Variants in SMCO2 observed in about 807,000 individuals in gnomAD.
SMCO2 encodes single-pass membrane and coiled-coil domain-containing protein 2.
In SMCO2, 25 loss-of-function variants were observed where a neutral mutation model predicts 29.5. The ratio of observed to expected loss-of-function variants is 0.85; its 90% confidence interval spans 0.62 to 1.18. The LOEUF (loss-of-function observed/expected upper bound fraction) is 1.18, where lower values mean the gene tolerates loss of function less well. Ranked by LOEUF, SMCO2 falls within the 50% of genes most tolerant of loss-of-function variation. The pLI is 0.00. For missense variants in SMCO2, 348 were observed against 344.5 expected, an observed-to-expected ratio of 1.01 and a Z score of -0.08; for synonymous variants, 117 against 123.3, an observed-to-expected ratio of 0.95 and a Z score of 0.34.
intron 3 of SMCO2, 113 bp from the exon 4 acceptor site, chr12:27,474,673 A>G: frequency 1.6e-6 from 2 of 1,227,430 alleles, no homozygotes. Flanking sequence ...CTCCAGTCTC[A>G]GAGAGGACTA....
At chr12:27,484,360 C>G (rs966061355) in intron 4 of SMCO2, among the ~76,000 whole-genome samples, 1 of 151,812 alleles carries the variant, frequency 6.6e-6, no homozygotes, top group Non-Finnish European at 1.5e-5. Flanking sequence ...GCCTGGGCAA[C>G]AGTGCAAGAC....
chr12:27,462,604 T>TC (rs1168100097), upstream of SMCO2, among the ~76,000 whole-genome samples: 2 of 152,184 alleles, frequency 1.3e-5, no homozygotes, highest in Admixed American at 6.5e-5. Context: ...AGCTATTGTT[T>TC]CCCCATTTTA....
At chr12:27,475,494 A>C in intron 4 of SMCO2, 88 bp from the exon 5 acceptor site, 1 of 1,398,446 alleles carries the variant, frequency 7.2e-7, no homozygotes, top group Non-Finnish European at 9.4e-7. Flanking sequence ...AAACAGATCA[A>C]CTCGCTATTC....
chr12:27,451,502 A>G, the SMCO2 span, among the ~76,000 whole-genome samples: 94,599 of 151,974 alleles, frequency 0.62, 29,944 homozygotes, highest in Middle Eastern at 0.77. Context: ...ACTGTGCTCA[A>G]TATTTACTGT....
the SMCO2 span, chr12:27,423,331 T>C: frequency 8.0e-4 from 106 of 131,734 alleles, no homozygotes; most frequent in African/African-American, 2.6e-3. Context: ...TTTCTTTTTT[T>C]TTTTTTTTTT....
At chr12:27,464,771 C>G (rs1592200637), upstream of SMCO2, among the ~76,000 whole-genome samples, 1 of 146,928 alleles carries the variant, frequency 6.8e-6, no homozygotes, top group South Asian at 2.1e-4. Context: ...CCTGTAATCC[C>G]AGCACTTTGG....
chr12:27,432,655 C>T, the SMCO2 span, among the ~76,000 whole-genome samples: 1 of 152,314 alleles, frequency 6.6e-6, no homozygotes, highest in South Asian at 2.1e-4. Flanking sequence ...CCAAAGTGGG[C>T]TTCAGAACCC....
intron 1 of SMCO2, among the ~76,000 whole-genome samples, chr12:27,468,368 T>C (rs1949514940): frequency 2.0e-5 from 3 of 150,838 alleles, no homozygotes; most frequent in African/African-American, 7.4e-5. Flanking sequence ...AATTCTCTCA[T>C]TGCAGTGCAA....
At position 27,470,749 on chromosome 12, in the gene SMCO2, G is replaced by T; in HGVS notation, c.118G>T (p.Glu40Ter). Residue 40 changes from glutamate (E) to a stop codon, truncating the protein, a stop_gained, in exon 2 of 8, where the codon GAA (glutamate) becomes TAA (stop). Coordinates refer to ENST00000298876, the Ensembl canonical transcript of SMCO2. LOFTEE classifies it high-confidence loss of function. ...CTTTTTCCAAAAGCTCAATGTGACT[G>T]AAGGTGCAATGCAGGAGTAAGTCAG... is the stretch of plus-strand genomic sequence containing the variant. 6.4e-7 allele frequency: 1 copy of T among 1,550,888 alleles called. No individual in the cohort carries two copies.
the SMCO2 span, among the ~76,000 whole-genome samples, chr12:27,434,672 T>C: frequency 0.023 from 3,436 of 152,258 alleles, 140 homozygotes; most frequent in African/African-American, 0.078. Flanking sequence ...AAAAAAATAC[T>C]GCAAAGTTGA....
chr12:27,434,661 GA>G, the SMCO2 span, among the ~76,000 whole-genome samples: 8 of 152,052 alleles, frequency 5.3e-5, no homozygotes, highest in Non-Finnish European at 1.2e-4. Flanking sequence ...AAAACAAGAA[GA>G]AAAAAATACT....
the SMCO2 span, among the ~76,000 whole-genome samples, chr12:27,444,218 C>T: frequency 2.6e-5 from 4 of 152,218 alleles, no homozygotes; most frequent in East Asian, 3.9e-4. Flanking sequence ...TCATCTTTGA[C>T]GAAGGCATCA....
At chr12:27,456,269 A>G in the SMCO2 span, among the ~76,000 whole-genome samples, 2 of 152,264 alleles carry the variant, frequency 1.3e-5, no homozygotes, top group Non-Finnish European at 2.9e-5. Flanking sequence ...CATTATATGT[A>G]TATAGATATG....
the SMCO2 span, among the ~76,000 whole-genome samples, chr12:27,434,651 AAAAC>A: frequency 6.6e-6 from 1 of 152,364 alleles, no homozygotes. Context: ...TTTATTTAAA[AAAAC>A]AAGAAGAAAA....
exon 3 of SMCO2, chr12:27,472,859 C>T (rs1949552796): frequency 6.4e-7 from 1 of 1,550,402 alleles, no homozygotes. Flanking sequence ...AACCCTCAAA[C>T]TGACTTCCTT....
chr12:27,469,740 C>G (rs748089765), intron 1 of SMCO2, among the ~76,000 whole-genome samples: 7 of 152,208 alleles, frequency 4.6e-5, no homozygotes, highest in Non-Finnish European at 1.0e-4. Context: ...CCTTTCCCTA[C>G]AGCTTTTTCT....
chr12:27,490,369 A>G (rs1949725158), intron 5 of SMCO2, among the ~76,000 whole-genome samples: 1 of 152,232 alleles, frequency 6.6e-6, no homozygotes, highest in South Asian at 2.1e-4. Context: ...AGGAAGGGGG[A>G]CAGGGATTGA....
intron 4 of SMCO2, among the ~76,000 whole-genome samples, chr12:27,484,871 AATATATAT>A (rs775572569): frequency 3.9e-5 from 3 of 77,222 alleles, no homozygotes; most frequent in Admixed American, 1.4e-4. Flanking sequence ...AAAAAAAAAA[AATATATAT>A]ATATATATAT....
intron 5 of SMCO2, among the ~76,000 whole-genome samples, chr12:27,489,457 A>G (rs992335441): frequency 2.6e-5 from 4 of 152,186 alleles, no homozygotes; most frequent in Admixed American, 6.5e-5. Flanking sequence ...TTCTGGCTTG[A>G]AGAAAGGTCC....
Sources: gnomAD v4.1 joint callset for allele counts (sites outside exome capture counted in the v4.1 genomes callset) on GRCh38, gnomAD v4.1.1 for gene constraint, MANE v1.5 for transcripts, NCBI Gene and HGNC (gene_info 2026-07-23, HGNC 2026-07-21) for gene names.